The following NTRK3 variants were observed in gnomAD, a reference collection of about 807,000 sequenced individuals.
NTRK3 encodes neurotrophic receptor tyrosine kinase 3.
NTRK3 carries 24 observed loss-of-function variants against 91.7 expected under a neutral mutation model. The ratio of observed to expected loss-of-function variants is 0.26; its 90% CI spans 0.19 to 0.37. NTRK3 has a LOEUF of 0.37. NTRK3 is among the 10% of genes least tolerant of loss of function. The probability of loss-of-function intolerance (pLI) is 1.00; values close to 1 mark genes in which losing one functional copy is unlikely to be tolerated. For missense variants in NTRK3, 880 were observed against 1,068.9 expected (o/e 0.82, Z 2.46); for synonymous variants, 483 against 404.0 (o/e 1.20, Z -2.34).
intron 13 of NTRK3, among the ~76,000 whole-genome samples, chr15:88,081,991 C>A (rs1299700313): frequency 2.6e-5 from 4 of 152,182 alleles, no homozygotes; most frequent in Non-Finnish European, 4.4e-5. Context: ...ATTCCTACAA[C>A]AATCTCCAAG....
chr15:88,141,746 C>T (rs564964324), intron 6 of NTRK3, among the ~76,000 whole-genome samples: 62 of 152,356 alleles, frequency 4.1e-4, no homozygotes, highest in African/African-American at 1.5e-3. Flanking sequence ...CCCCCAAAGG[C>T]AGACAGCATG....
At chr15:87,908,859 C>T (rs2066924591) in intron 17 of NTRK3, among the ~76,000 whole-genome samples, 1 of 151,916 alleles carries the variant, frequency 6.6e-6, no homozygotes, top group South Asian at 2.1e-4. Flanking sequence ...CACATGACAC[C>T]CAGCTGTCTT....
chr15:88,141,659 G>T (rs981894177), intron 6 of NTRK3, among the ~76,000 whole-genome samples: 3 of 152,250 alleles, frequency 2.0e-5, no homozygotes, highest in South Asian at 2.1e-4. Flanking sequence ...CTGCATTGCC[G>T]CAAGCCACAC....
At chr15:88,192,269 C>T (rs1184368502) in intron 3 of NTRK3, among the ~76,000 whole-genome samples, 1 of 152,168 alleles carries the variant, frequency 6.6e-6, no homozygotes, top group Non-Finnish European at 1.5e-5. Context: ...GGCTAACTCC[C>T]AGGAGCGAGA....
intron 17 of NTRK3, chr15:87,916,610 G>T (rs140635402): frequency 1.4e-6 from 1 of 701,972 alleles, no homozygotes; most frequent in Non-Finnish European, 2.6e-6. Flanking sequence ...AGAGAGAAGA[G>T]ACTAAGTTTA....
chr15:88,213,164 G>T (rs1231711307), intron 3 of NTRK3, among the ~76,000 whole-genome samples: 2 of 152,184 alleles, frequency 1.3e-5, no homozygotes, highest in African/African-American at 2.4e-5. Context: ...TGGAGTCATG[G>T]TCTCACTTCC....
At chr15:87,988,060 G>T (rs2074983104) in intron 14 of NTRK3, among the ~76,000 whole-genome samples, 1 of 152,164 alleles carries the variant, frequency 6.6e-6, no homozygotes, top group South Asian at 2.1e-4. Context: ...CGGAAAGAGG[G>T]AGAATGTAGT....
chr15:87,984,009 G>A (rs1438433463), intron 14 of NTRK3, among the ~76,000 whole-genome samples: 1 of 152,128 alleles, frequency 6.6e-6, no homozygotes, highest in Non-Finnish European at 1.5e-5. Flanking sequence ...TCCAGATAAG[G>A]AAACCCAAAC....
chr15:88,134,361 C>A (rs1381742102), intron 10 of NTRK3, among the ~76,000 whole-genome samples: 3 of 152,302 alleles, frequency 2.0e-5, no homozygotes, highest in East Asian at 3.9e-4. Flanking sequence ...CAGAGAAAGA[C>A]AGAATCAACT....
At chr15:88,115,654 T>A (rs921438634) in intron 13 of NTRK3, among the ~76,000 whole-genome samples, 1 of 151,988 alleles carries the variant, frequency 6.6e-6, no homozygotes, top group Non-Finnish European at 1.5e-5. Context: ...CCAGGACTTA[T>A]CAGTCCTGGA....
chr15:87,912,524 T>C (rs925030929), intron 17 of NTRK3, among the ~76,000 whole-genome samples: 1 of 152,130 alleles, frequency 6.6e-6, no homozygotes, highest in Admixed American at 6.6e-5. Context: ...AGCACTTTGA[T>C]GGTGGTTAGA....
intron 14 of NTRK3, among the ~76,000 whole-genome samples, chr15:87,966,236 A>C (rs1009214000): frequency 7.9e-5 from 12 of 152,254 alleles, no homozygotes; most frequent in African/African-American, 2.9e-4. Context: ...GACTTGGGAC[A>C]AGGGAATAAT....
intron 14 of NTRK3, among the ~76,000 whole-genome samples, chr15:87,996,012 G>A (rs1314369018): frequency 1.3e-5 from 2 of 152,144 alleles, no homozygotes; most frequent in African/African-American, 4.8e-5. Context: ...GGAAGGCTGA[G>A]GCAGGTGGAT....
intron 3 of NTRK3, among the ~76,000 whole-genome samples, chr15:88,206,238 A>G (rs1429011456): frequency 1.3e-5 from 2 of 150,452 alleles, no homozygotes; most frequent in South Asian, 4.2e-4. Context: ...CCAGCTACTC[A>G]AGAGGCTGAG....
intron 17 of NTRK3, among the ~76,000 whole-genome samples, chr15:87,880,843 G>A (rs913014774): frequency 6.6e-6 from 1 of 152,238 alleles, no homozygotes; most frequent in African/African-American, 2.4e-5. Flanking sequence ...CAGTGGCACA[G>A]TATATTCCAT....
chr15:88,137,527 C>T, exon 7 of NTRK3: 1 of 1,614,134 alleles, frequency 6.2e-7, no homozygotes, highest in Non-Finnish European at 8.5e-7. Context: ...CAGCGGATGT[C>T]ACAGCTGCAG....
At chr15:87,887,728 C>T (rs370355553) in intron 17 of NTRK3, among the ~76,000 whole-genome samples, 2 of 152,140 alleles carry the variant, frequency 1.3e-5, no homozygotes, top group African/African-American at 4.8e-5. Context: ...CATGGTAAAA[C>T]TTAGCCAGAC....
At chr15:87,863,463 T>C (rs1378632890) in exon 19 of NTRK3, 1 of 216,670 alleles carries the variant, frequency 4.6e-6, no homozygotes, top group African/African-American at 2.3e-5. Flanking sequence ...CTTATCAAAC[T>C]AAATACTCTT....
At chr15:88,162,836 T>C (rs2044590571) in intron 5 of NTRK3, among the ~76,000 whole-genome samples, 1 of 152,154 alleles carries the variant, frequency 6.6e-6, no homozygotes, top group African/African-American at 2.4e-5. Context: ...CCACCCAGCC[T>C]TTCCCTCCTC....
Sources: gnomAD v4.1 joint callset for allele counts (sites outside exome capture counted in the v4.1 genomes callset) on GRCh38, gnomAD v4.1.1 for gene constraint, MANE v1.5 for transcripts, NCBI Gene and HGNC (gene_info 2026-07-23, HGNC 2026-07-21) for gene names.